Variants in DISP3 observed in about 807,000 individuals in gnomAD.
DISP3 encodes protein dispatched homolog 3.
DISP3 carries 101 observed loss-of-function variants against 135.3 expected under a neutral mutation model. The observed-to-expected ratio is 0.75, with a 90% confidence interval of 0.64 to 0.88. DISP3 has a LOEUF of 0.88. Among genes scored for constraint, DISP3 ranks in the 40% least tolerant of loss-of-function variants. The pLI is 0.00. For synonymous variants in DISP3, 856 were observed against 817.0 expected, an observed-to-expected ratio of 1.05 and a Z score of -0.81; for missense variants, 1,713 against 1,878.6, an observed-to-expected ratio of 0.91 and a Z score of 1.63.
chr1:11,520,826 C>T lies in DISP3; in HGVS notation c.2340C>T (p.Gly780=). The stretch of plus-strand genomic sequence containing the variant: ...TCAAGTACAACCTGAGCGCCGAGGG[C>T]ATCTCCTGCATCACCTGTTCAGGTG... ...LDLKYNLSAE[G]ISCITCSGLF... is the part of the protein sequence containing the mutation. Residue 780 remains glycine, a synonymous_variant, in exon 10 of 21, where the codon GGC becomes GGT. Transcript: ENST00000294484. This position sits in a 1 kb window ranked among gnomAD's most constrained non-coding sequence, Gnocchi z 4.8. 6.2e-7 allele frequency: 1 copy of T among 1,608,522 alleles called. No homozygotes were observed. Among genetic ancestry groups the T allele is most frequent in the African/African-American group, 1.3e-5 (1 of 74,990 alleles).
chr1:11,527,888 C>G (rs999137471), intron 13 of DISP3, among the ~76,000 whole-genome samples: 1 of 152,206 alleles, frequency 6.6e-6, no homozygotes, highest in African/African-American at 2.4e-5. Flanking sequence ...CATCCAGCCT[C>G]TCTCCATACG....
chr1:11,482,394 C>T (rs1340274158), intron 1 of DISP3, among the ~76,000 whole-genome samples: 2 of 152,154 alleles, frequency 1.3e-5, no homozygotes, highest in Non-Finnish European at 2.9e-5. Context: ...GGGAAGATGG[C>T]CATCACCACC....
At chr1:11,530,062 T>G (rs922234313) in intron 15 of DISP3, 103 bp downstream of exon 15, 21 of 1,468,994 alleles carry the variant, frequency 1.4e-5, no homozygotes, top group Non-Finnish European at 1.9e-5. Context: ...CACCCCCTCT[T>G]GGCTCCTCAA....
intron 1 of DISP3, among the ~76,000 whole-genome samples, chr1:11,498,924 C>CGTAG (rs1641420088): frequency 6.6e-6 from 1 of 152,150 alleles, no homozygotes; most frequent in Non-Finnish European, 1.5e-5. Flanking sequence ...CCTCCAAAGC[C>CGTAG]GTAGCTCTTA....
At chr1:11,535,804 C>T (rs1177481023) in intron 20 of DISP3, among the ~76,000 whole-genome samples, 160 bp downstream of exon 20, 1 of 152,154 alleles carries the variant, frequency 6.6e-6, no homozygotes, top group Non-Finnish European at 1.5e-5. Flanking sequence ...GATCCCCAAG[C>T]CCCAGGGACT....
At position 11,520,417 on chromosome 1, in the gene DISP3, C is replaced by T. The variant is rs1389308081; in HGVS notation, c.2201-270C>T. Reference sequence around the variant, plus strand: ...CCAGCTCGTCATAAACTATGAGGTGCTCTGAGGTGGTGGCCGCCTCTTGTC... The same window carrying T: ...CCAGCTCGTCATAAACTATGAGGTGTTCTGAGGTGGTGGCCGCCTCTTGTC... On this transcript the variant is annotated intron_variant, in intron 9 of 20. Transcript: ENST00000294484. This position sits in a 1 kb window ranked among gnomAD's most constrained non-coding sequence, Gnocchi z 4.8. Among the ~76,000 whole-genome samples, 1 of 152,134 alleles carries T rather than the reference C, an allele frequency of 6.6e-6. No homozygotes were observed. The highest frequency in any genetic ancestry group is 1.5e-5 in the Non-Finnish European group (1 of 68,022).
At chr1:11,492,820 G>A (rs1331375640) in intron 1 of DISP3, among the ~76,000 whole-genome samples, 1 of 152,134 alleles carries the variant, frequency 6.6e-6, no homozygotes, top group African/African-American at 2.4e-5. Flanking sequence ...AGACAAGTGT[G>A]GAAAGTCACT....
intron 13 of DISP3, among the ~76,000 whole-genome samples, chr1:11,528,197 C>T (rs1570144049): frequency 6.6e-6 from 1 of 152,172 alleles, no homozygotes; most frequent in African/African-American, 2.4e-5. Context: ...GGAAGGAGAG[C>T]GAGGGGAGGG....
intron 10 of DISP3, among the ~76,000 whole-genome samples, chr1:11,523,696 G>T (rs773865179): frequency 5.9e-5 from 9 of 152,090 alleles, no homozygotes; most frequent in Non-Finnish European, 1.3e-4. Flanking sequence ...AGCAGGGAGC[G>T]TTTCAGTGTT....
chr1:11,533,184 A>G lies in DISP3; in HGVS notation c.3376-1197A>G, dbSNP rs183071789. Among the ~76,000 whole-genome samples, 346 of 148,154 alleles carry G rather than the reference A, an allele frequency of 2.3e-3. 2 individuals carry two copies. Among genetic ancestry groups the G allele is most frequent in the African/African-American group, 8.2e-3 (330 of 40,066 alleles). On this transcript the variant is annotated intron_variant, in intron 17 of 20. Coordinates refer to ENST00000294484, the MANE Select transcript of DISP3 (RefSeq NM_020780.2). ...TGGCACCCACCATTCTACTTTCTCC[A>G]TGAATTTGACAACTCTGGGGGCCTC...
At chr1:11,502,115 G>A (rs765529768) in intron 2 of DISP3, 27 bp downstream of exon 2, 3 of 1,531,252 alleles carry the variant, frequency 2.0e-6, no homozygotes, top group South Asian at 2.6e-5. Context: ...CTGGGAGGGG[G>A]CGTAGGTCCA....
In DISP3 at chr1:11,526,700, T is replaced by G; in HGVS notation, c.2663T>G (p.Met888Arg). 1.2e-6 allele frequency: 2 copies of G among 1,614,146 alleles called. No individual in the cohort carries two copies. Among genetic ancestry groups the G allele is most frequent in the Non-Finnish European group, 1.7e-6 (2 of 1,180,028 alleles). ...TTCACCAAGAAGCTGACCGCTTGTA[T>G]GTCTACAGTAGGGCTGCTCCAGGCG... Reference protein sequence around the residue: ...GNFTKKLTACMSTVGLLQAAS... With the variant: ...GNFTKKLTACRSTVGLLQAAS... The change falls in exon 13 of 21, where the codon ATG becomes AGG. Residue 888 changes from methionine to arginine, a missense_variant. By Grantham distance (91) the Met-to-Arg change is moderately conservative. This residue lies in a region of DISP3 where 1,142 missense variants were observed against 1,384.6 expected (regional missense o/e 0.82). Transcript: ENST00000294484.
chr1:11,526,945 T>A, intron 13 of DISP3, 110 bp downstream of exon 13: 3 of 399,866 alleles, frequency 7.5e-6, no homozygotes, highest in Non-Finnish European at 1.1e-5. Flanking sequence ...GCCCCCTCAC[T>A]TTTTTTTTTT....
chr1:11,535,398 G>T, intron 19 of DISP3, 80 bp from the exon 20 acceptor site: 1 of 1,513,524 alleles, frequency 6.6e-7, no homozygotes, highest in Non-Finnish European at 8.9e-7. Flanking sequence ...GAGGGTGGGG[G>T]CTGGACTCCA....
At chr1:11,488,571 C>T (rs374721978) in intron 1 of DISP3, among the ~76,000 whole-genome samples, 60 of 152,246 alleles carry the variant, frequency 3.9e-4, no homozygotes, top group Non-Finnish European at 7.4e-4. Context: ...TCCTCCCTTC[C>T]GTGGGACCCA....
intron 10 of DISP3, among the ~76,000 whole-genome samples, chr1:11,521,102 C>T (rs1642175139): frequency 6.6e-6 from 1 of 152,098 alleles, no homozygotes; most frequent in African/African-American, 2.4e-5. Flanking sequence ...CATTCCAGCT[C>T]TAGGGCCCGG....
rs1362066572 is a variant in DISP3, at chr1:11,520,117, C to T, written c.2200+237C>T. 1.2e-4 allele frequency among the ~76,000 whole-genome samples: 18 copies of T among 152,348 alleles called. No homozygotes were observed. The highest frequency in any genetic ancestry group is 1.0e-4 in the Non-Finnish European group (7 of 68,034). Reference sequence around the variant, plus strand: ...CTGGGCAGTAGCACAGAGCATGCCACACATGGGCCCTGGAGTTAGACCCAC... The same window carrying T: ...CTGGGCAGTAGCACAGAGCATGCCATACATGGGCCCTGGAGTTAGACCCAC... On this transcript the variant is annotated intron_variant, in intron 9 of 20. Coordinates refer to ENST00000294484, the MANE Select transcript of DISP3 (RefSeq NM_020780.2). The surrounding 1 kb of genome is among the most constrained non-coding windows in gnomAD (Gnocchi z 4.8).
intron 1 of DISP3, chr1:11,481,460 G>A (rs984286936): frequency 3.3e-5 from 5 of 152,242 alleles, no homozygotes; most frequent in South Asian, 2.1e-4. Context: ...TGGTAGCCAT[G>A]ACCTGGCTTG....
At position 11,526,724 on chromosome 1, in the gene DISP3, C is replaced by T. The variant is rs778797542; in HGVS notation, c.2687C>T (p.Ala896Val). 20 of 1,613,892 alleles carry T rather than the reference C, an allele frequency of 1.2e-5. No individual in the cohort carries two copies. The highest frequency in any genetic ancestry group is 2.2e-5 in the South Asian group (2 of 91,082). Reference sequence around the variant, plus strand: ...ATGTCTACAGTAGGGCTGCTCCAGGCGGCGAGCCCCTCCCGCAAGTGGATG... The same window carrying T: ...ATGTCTACAGTAGGGCTGCTCCAGGTGGCGAGCCCCTCCCGCAAGTGGATG... ...ACMSTVGLLQAASPSRKWMLT... is the reference protein window; with the variant it reads ...ACMSTVGLLQVASPSRKWMLT... The change falls in exon 13 of 21, where the codon GCG (alanine) becomes GTG (valine). Residue 896 changes from alanine to valine, a missense_variant. By Grantham distance (64) the Ala-to-Val change is moderately conservative (BLOSUM62 0). This residue lies in a region of DISP3 where 1,142 missense variants were observed against 1,384.6 expected (regional missense o/e 0.82). Transcript: ENST00000294484.
Sources: gnomAD v4.1 joint callset for allele counts (sites outside exome capture counted in the v4.1 genomes callset) on GRCh38, gnomAD v4.1.1 for gene constraint, gnomAD v4.1.1 regional missense constraint, Gnocchi (gnomAD v3.1) non-coding constraint, MANE v1.5 for transcripts, NCBI Gene and HGNC (gene_info 2026-07-23, HGNC 2026-07-21) for gene names.